Variants in STAG1 observed in about 807,000 individuals in gnomAD.
STAG1 encodes cohesin subunit SA-1.
A neutral mutation model predicts 170.9 loss-of-function variants in STAG1; 26 were observed. The observed-to-expected ratio is 0.15, with a 90% CI of 0.11 to 0.21. The LOEUF (loss-of-function observed/expected upper bound fraction) is 0.21, where lower values mean the gene tolerates loss of function less well. Ranked by LOEUF, STAG1 falls within the 10% of genes least tolerant of loss-of-function variation. The probability of loss-of-function intolerance (pLI) is 1.00; values close to 1 mark genes in which losing one functional copy is unlikely to be tolerated. For synonymous variants in STAG1, 514 were observed against 497.7 expected (o/e 1.03, Z -0.44); for missense variants, 964 against 1,509.5 (o/e 0.64, Z 5.99).
intron 15 of STAG1, among the ~76,000 whole-genome samples, chr3:136,439,110 C>T (rs1436636852): frequency 2.0e-5 from 3 of 148,244 alleles, no homozygotes; most frequent in African/African-American, 5.0e-5. Context: ...ACATGAGAAT[C>T]GCTTGAACCT....
intron 10 of STAG1, 57 bp downstream of exon 10, chr3:136,477,232 C>A: frequency 2.0e-6 from 3 of 1,503,370 alleles, no homozygotes; most frequent in Non-Finnish European, 2.7e-6. Context: ...TGATTCCCAG[C>A]ATTTTAGTAC....
intron 1 of STAG1, among the ~76,000 whole-genome samples, chr3:136,703,918 A>G (rs1943150377): frequency 6.6e-6 from 1 of 152,046 alleles, no homozygotes; most frequent in Admixed American, 6.5e-5. Flanking sequence ...AGGCTGAAGC[A>G]GGAGAATCGC....
At chr3:136,536,725 A>C (rs1209227165) in intron 6 of STAG1, among the ~76,000 whole-genome samples, 2 of 151,190 alleles carry the variant, frequency 1.3e-5, no homozygotes, top group East Asian at 1.9e-4. Context: ...AAAAAAAAAA[A>C]ACTACGGCTG....
intron 6 of STAG1, among the ~76,000 whole-genome samples, chr3:136,525,098 T>A (rs1247295676): frequency 2.6e-5 from 4 of 152,240 alleles, no homozygotes; most frequent in African/African-American, 9.6e-5. Context: ...ATCAAGATGA[T>A]GCTGGCCTTA....
At chr3:136,603,731 C>T (rs1337887285) in intron 4 of STAG1, among the ~76,000 whole-genome samples, 2 of 152,000 alleles carry the variant, frequency 1.3e-5, no homozygotes, top group Non-Finnish European at 2.9e-5. Flanking sequence ...AAAAAACATA[C>T]AAAAAATTAG....
intron 9 of STAG1, among the ~76,000 whole-genome samples, chr3:136,478,268 C>G (rs536644690): frequency 6.6e-6 from 1 of 152,278 alleles, no homozygotes; most frequent in Admixed American, 6.5e-5. Context: ...CATGGCAGAA[C>G]AACCCGAAAA....
intron 1 of STAG1, among the ~76,000 whole-genome samples, chr3:136,668,880 C>T (rs1289443819): frequency 6.6e-6 from 1 of 152,134 alleles, no homozygotes; most frequent in Non-Finnish European, 1.5e-5. Context: ...CCAGAACTAT[C>T]ACAGATGTCA....
At chr3:136,592,938 G>C (rs1485987403) in intron 4 of STAG1, among the ~76,000 whole-genome samples, 1 of 152,204 alleles carries the variant, frequency 6.6e-6, no homozygotes, top group Non-Finnish European at 1.5e-5. Flanking sequence ...CTTTGTCTGA[G>C]TTCAAAGGCA....
At chr3:136,618,547 T>A (rs887273195) in intron 3 of STAG1, among the ~76,000 whole-genome samples, 2 of 152,160 alleles carry the variant, frequency 1.3e-5, no homozygotes, top group Non-Finnish European at 2.9e-5. Flanking sequence ...TTAAATAATG[T>A]TGAGAATATA....
intron 4 of STAG1, among the ~76,000 whole-genome samples, chr3:136,573,248 G>A (rs1483400376): frequency 6.6e-6 from 1 of 151,890 alleles, no homozygotes; most frequent in Non-Finnish European, 1.5e-5. Context: ...CCTTTCTTGA[G>A]TTGGCAGAGA....
intron 1 of STAG1, among the ~76,000 whole-genome samples, chr3:136,692,878 G>C (rs934182526): frequency 1.3e-5 from 2 of 152,140 alleles, no homozygotes; most frequent in African/African-American, 4.8e-5. Context: ...GATCAATTTG[G>C]ATTTCAATTA....
chr3:136,738,760 G>T (rs1934490106), intron 1 of STAG1, among the ~76,000 whole-genome samples: 1 of 152,146 alleles, frequency 6.6e-6, no homozygotes, highest in South Asian at 2.1e-4. Context: ...ATGTATATTG[G>T]ATACTTGAAA....
intron 1 of STAG1, among the ~76,000 whole-genome samples, chr3:136,710,088 C>A (rs1402977957): frequency 2.6e-5 from 4 of 152,072 alleles, no homozygotes; most frequent in Admixed American, 2.6e-4. Flanking sequence ...ATTGGGAACT[C>A]CAGATAAGTA....
chr3:136,720,287 A>C (rs1933165756), intron 1 of STAG1, among the ~76,000 whole-genome samples: 1 of 152,150 alleles, frequency 6.6e-6, no homozygotes, highest in Non-Finnish European at 1.5e-5. Context: ...AAAATCCAAA[A>C]TAGGTGGCAT....
At chr3:136,716,583 G>A (rs1487559976) in intron 1 of STAG1, among the ~76,000 whole-genome samples, 1 of 152,190 alleles carries the variant, frequency 6.6e-6, no homozygotes, top group Admixed American at 6.5e-5. Flanking sequence ...GAGGCTGAAG[G>A]TGCAGTGAGC....
chr3:136,447,766 C>T (rs567441906), intron 14 of STAG1, among the ~76,000 whole-genome samples: 114 of 151,836 alleles, frequency 7.5e-4, no homozygotes, highest in Middle Eastern at 3.4e-3. Context: ...TACAGGTGCC[C>T]GCCACCAGGC....
At chr3:136,540,570 C>T (rs541277720) in intron 6 of STAG1, among the ~76,000 whole-genome samples, 4 of 151,828 alleles carry the variant, frequency 2.6e-5, no homozygotes, top group East Asian at 1.9e-4. Flanking sequence ...GTCTGTAATT[C>T]GAGCACTTTG....
chr3:136,717,708 C>G (rs1943579617), intron 1 of STAG1, among the ~76,000 whole-genome samples: 1 of 152,000 alleles, frequency 6.6e-6, no homozygotes, highest in South Asian at 2.1e-4. Flanking sequence ...TTTCAGAAAA[C>G]AACACAGAAA....
rs559011691 is a variant in STAG1, at chr3:136,549,026, C to T, written c.395-6831G>A. On this transcript the variant is annotated intron_variant, in intron 5 of 33. Coordinates refer to ENST00000383202, the MANE Select transcript of STAG1 (RefSeq NM_005862.3). The stretch of plus-strand genomic sequence containing the variant: ...GGCCTTCCTAGCCACGCTTCCTCTA[C>T]AGCCTGCAAAATCGTAAACATTAAA... Among the ~76,000 whole-genome samples the T allele has an allele frequency of 2.0e-5, 3 of 152,316 alleles. No individual in the cohort carries two copies. In the East Asian group the frequency reaches 5.8e-4, roughly 29 times the overall value.
Sources: allele counts gnomAD v4.1 joint callset (sites outside exome capture counted in the v4.1 genomes callset), GRCh38; gene constraint gnomAD v4.1.1; transcripts MANE v1.5; gene names NCBI Gene and HGNC (gene_info 2026-07-23, HGNC 2026-07-21).